The following BIN1 variants were observed in gnomAD, a reference collection of about 807,000 sequenced individuals.
The protein encoded by BIN1 is bridging integrator 1.
Under a neutral mutation model 82.0 loss-of-function variants are expected in BIN1, and 53 were observed. That is an observed-to-expected ratio of 0.65 (90% CI 0.52 to 0.81). BIN1 has a LOEUF of 0.81. Among genes scored for constraint, BIN1 ranks in the 40% least tolerant of loss-of-function variants. The pLI, the probability that BIN1 is intolerant of heterozygous loss-of-function variation, is 0.00. For missense variants in BIN1, 642 were observed against 784.4 expected, an observed-to-expected ratio of 0.82 and a Z score of 2.17; for synonymous variants, 302 against 328.0, an observed-to-expected ratio of 0.92 and a Z score of 0.86.
At chr2:127,052,747 C>A (rs1048545102) in intron 14 of BIN1, 5 of 299,292 alleles carry the variant, frequency 1.7e-5, no homozygotes, top group Non-Finnish European at 3.2e-5. Flanking sequence ...CCTGCCCCTC[C>A]CAGCATCTCT....
At chr2:127,083,214 T>C (rs1413927329) in intron 1 of BIN1, among the ~76,000 whole-genome samples, 2 of 151,674 alleles carry the variant, frequency 1.3e-5, no homozygotes, top group Non-Finnish European at 2.9e-5. Flanking sequence ...GCGTCCCGAG[T>C]AGCTGGGACT....
At chr2:127,099,960 G>A (rs66673595) in intron 1 of BIN1, among the ~76,000 whole-genome samples, 3 of 150,356 alleles carry the variant, frequency 2.0e-5, no homozygotes, top group African/African-American at 7.4e-5. Flanking sequence ...CCGCCACCAC[G>A]CCAGGCTAAT....
At chr2:127,069,971 C>A in intron 5 of BIN1, 24 bp downstream of exon 5, 1 of 1,611,142 alleles carries the variant, frequency 6.2e-7, no homozygotes, top group Non-Finnish European at 8.5e-7. Flanking sequence ...CAGAGCAGGG[C>A]AGATCTGCAA....
chr2:127,076,615 C>T lies in BIN1; in HGVS notation c.165+11G>A. The T allele has an allele frequency of 6.2e-7, 1 of 1,614,112 alleles. No individual in the cohort carries two copies. The highest frequency in any genetic ancestry group is 1.1e-5 in the South Asian group (1 of 91,078). ...ACAAACTCCCTAAGGCCAAGGGCCA[C>T]CCACACTCACCAGCTGCTTGTTGAA... is the stretch of plus-strand genomic sequence containing the variant. On this transcript the variant is annotated intron_variant, in intron 2 of 18. Coordinates refer to ENST00000316724, the MANE Select transcript of BIN1 (RefSeq NM_139343.3).
chr2:127,073,143 G>T (rs563634604), intron 2 of BIN1, among the ~76,000 whole-genome samples: 1 of 152,222 alleles, frequency 6.6e-6, no homozygotes, highest in Non-Finnish European at 1.5e-5. Context: ...CACGTGGCAC[G>T]CAGATGTGCA....
rs530548092 is a variant in BIN1 at position 127,075,983 on chromosome 2, G to A, written c.165+643C>T. On this transcript the variant is annotated intron_variant, in intron 2 of 18. Coordinates refer to ENST00000316724, the MANE Select transcript of BIN1 (RefSeq NM_139343.3). ...TCCCAGAATGCTCCCAGCTCTCCCA[G>A]CTGCTCCCCAGCCCTCTCCCAAATG... is the stretch of plus-strand genomic sequence containing the variant. Among the ~76,000 whole-genome samples the A allele has an allele frequency of 6.5e-5, 9 of 138,570 alleles. No homozygotes were observed. In the East Asian group the frequency reaches 2.0e-3, roughly 31 times the overall value. 90.9% of individuals were successfully genotyped at this position (138,570 alleles called of 152,430 possible).
intron 7 of BIN1, 133 bp from the exon 8 acceptor site, chr2:127,064,151 T>C (rs757701430): frequency 8.0e-6 from 8 of 1,001,436 alleles, no homozygotes; most frequent in African/African-American, 3.2e-5. Flanking sequence ...AGACAGAGGC[T>C]GAACTGGATG....
At chr2:127,060,717 C>A (rs1684338123) in intron 10 of BIN1, 11 of 1,568,094 alleles carry the variant, frequency 7.0e-6, no homozygotes, top group Non-Finnish European at 9.6e-6. Flanking sequence ...CCCCTTCCCT[C>A]TTTGCCAACC....
At chr2:127,087,669 C>T (rs927779590) in intron 1 of BIN1, among the ~76,000 whole-genome samples, 6 of 152,246 alleles carry the variant, frequency 3.9e-5, no homozygotes, top group Admixed American at 2.0e-4. Context: ...ATCCAAAGAC[C>T]ACATGTGCTC....
chr2:127,055,573 A>C (rs1462923439), intron 12 of BIN1: 2 of 152,242 alleles, frequency 1.3e-5, no homozygotes, highest in Non-Finnish European at 2.9e-5. Flanking sequence ...GGTGCCTCCC[A>C]CCAGCGGGCG....
intron 1 of BIN1, among the ~76,000 whole-genome samples, chr2:127,103,025 G>A (rs1190426227): frequency 6.6e-6 from 1 of 152,192 alleles, no homozygotes; most frequent in Admixed American, 6.5e-5. Flanking sequence ...GGGTAGAGGG[G>A]GGCATCTTTG....
At chr2:127,051,326 C>A in intron 15 of BIN1, 83 bp from the exon 16 acceptor site, 1 of 1,455,094 alleles carries the variant, frequency 6.9e-7, no homozygotes, top group Non-Finnish European at 9.5e-7. Flanking sequence ...GAGGGCAGCA[C>A]CCAAGCGACA....
At chr2:127,051,094 C>T in intron 16 of BIN1, 60 bp downstream of exon 16, 1 of 1,602,402 alleles carries the variant, frequency 6.2e-7, no homozygotes, top group Non-Finnish European at 8.5e-7. Flanking sequence ...ACAGGGGAGC[C>T]CCGGACAGGC....
rs1021803541 is a variant in BIN1, at chr2:127,068,360, G to C, written c.520-105C>G. ...ATGCAGGTCCACACGCCCCACGCGCGGGGGCCACCCCAAGCAGATATGGGC... is the reference window on the plus strand; with the variant it reads ...ATGCAGGTCCACACGCCCCACGCGCCGGGGCCACCCCAAGCAGATATGGGC... On this transcript the variant is annotated intron_variant, in intron 6 of 18. Transcript: ENST00000316724. The surrounding 1 kb of genome is among the most constrained non-coding windows in gnomAD (Gnocchi z 4.9). 3 of 877,278 alleles carry C rather than the reference G, an allele frequency of 3.4e-6. No individual in the cohort carries two copies. The highest frequency in any genetic ancestry group is 4.2e-5 in the Admixed American group (2 of 47,524). 54.3% of individuals were successfully genotyped at this position (877,278 alleles called of 1,614,324 possible).
chr2:127,049,577 T>C (rs1253126782), intron 18 of BIN1, among the ~76,000 whole-genome samples: 1 of 152,104 alleles, frequency 6.6e-6, no homozygotes, highest in Non-Finnish European at 1.5e-5. Context: ...TGGCTAAACA[T>C]GTTCTCTGGA....
rs1477539182 is a variant in BIN1 at position 127,048,073 on chromosome 2, A to T, written c.*453T>A. ...TTTTTTTTTGTTTCATTTTGTTTTGAACACTAAGATTTATTTTCAAACAGC... is the reference window on the plus strand; with the variant it reads ...TTTTTTTTTGTTTCATTTTGTTTTGTACACTAAGATTTATTTTCAAACAGC... On this transcript the variant is annotated 3_prime_UTR_variant, in exon 19 of 19. Coordinates refer to ENST00000316724, the MANE Select transcript of BIN1 (RefSeq NM_139343.3). 1.0e-5 allele frequency: 2 copies of T among 191,396 alleles called. No individual in the cohort carries two copies. Among genetic ancestry groups the T allele is most frequent in the Non-Finnish European group, 2.2e-5 (2 of 90,822 alleles). 11.9% of individuals were successfully genotyped at this position (191,396 alleles called of 1,614,324 possible).
At chr2:127,092,217 G>A (rs1012107056) in intron 1 of BIN1, among the ~76,000 whole-genome samples, 11 of 152,258 alleles carry the variant, frequency 7.2e-5, no homozygotes, top group Admixed American at 1.3e-4. Context: ...AACCCTGCCC[G>A]TCCTGTGCTG....
At position 127,067,480 on chromosome 2, in the gene BIN1, G is replaced by A. The variant is rs534256537; in HGVS notation, c.612+683C>T. Among the ~76,000 whole-genome samples, 4 of 152,252 alleles carry A rather than the reference G, an allele frequency of 2.6e-5. No individual in the cohort carries two copies. Among genetic ancestry groups the A allele is most frequent in the Admixed American group, 1.3e-4 (2 of 15,300 alleles). On this transcript the variant is annotated intron_variant, in intron 7 of 18. Transcript: ENST00000316724. This position sits in a 1 kb window ranked among gnomAD's most constrained non-coding sequence, Gnocchi z 4.7. ...GGAGTTTTGTAAAAAAGCCTCCTCC[G>A]GGAAGCCCCCCAGGAACACTGTGGT...
intron 1 of BIN1, chr2:127,081,967 G>A (rs756415720): frequency 4.6e-5 from 52 of 1,125,494 alleles, no homozygotes; most frequent in Non-Finnish European, 5.3e-5. Context: ...GTGCCCCGGC[G>A]TTCTCACACC....
Sources: gnomAD v4.1 joint callset for allele counts (sites outside exome capture counted in the v4.1 genomes callset) on GRCh38, gnomAD v4.1.1 for gene constraint, Gnocchi (gnomAD v3.1) non-coding constraint, MANE v1.5 for transcripts, NCBI Gene and HGNC (gene_info 2026-07-23, HGNC 2026-07-21) for gene names.